NYAP2: variants seen among roughly 807,000 people sequenced by gnomAD.
NYAP2 encodes neuronal tyrosine-phosphorylated phosphoinositide-3-kinase adaptor 2.
Under a neutral mutation model 50.4 loss-of-function variants are expected in NYAP2, and 23 were observed. The observed-to-expected ratio is 0.46, with a 90% CI of 0.33 to 0.65. NYAP2 has a LOEUF of 0.65. NYAP2 is among the 30% of genes least tolerant of loss of function. The pLI is 0.02. For synonymous variants in NYAP2, 394 were observed against 365.2 expected (o/e 1.08, Z -0.90); for missense variants, 885 against 861.0 (o/e 1.03, Z -0.35).
At chr2:225,474,009 G>C (rs1690058383) in intron 3 of NYAP2, among the ~76,000 whole-genome samples, 1 of 152,166 alleles carries the variant, frequency 6.6e-6, no homozygotes, top group Non-Finnish European at 1.5e-5. Flanking sequence ...AAGGGATCCA[G>C]TTTCAGCTTT....
chr2:225,483,340 A>C (rs1261023390), intron 3 of NYAP2, among the ~76,000 whole-genome samples: 1 of 152,186 alleles, frequency 6.6e-6, no homozygotes, highest in Non-Finnish European at 1.5e-5. Context: ...TTAATTATGC[A>C]TAGTTTTTAT....
the NYAP2 span, among the ~76,000 whole-genome samples, chr2:225,673,161 T>G: frequency 6.6e-6 from 1 of 152,026 alleles, no homozygotes. Context: ...CTCCCCCTTA[T>G]GGAACCATCG....
At chr2:225,518,032 G>T (rs892690209) in intron 4 of NYAP2, among the ~76,000 whole-genome samples, 2 of 151,986 alleles carry the variant, frequency 1.3e-5, no homozygotes, top group Non-Finnish European at 2.9e-5. Flanking sequence ...GTTTATTACA[G>T]CAATCTTCAC....
Position 225,582,746 on chromosome 2 carries a change from G to A in NYAP2, c.1329G>A (p.Gly443=). 6.2e-7 allele frequency: 1 copy of A among 1,613,612 alleles called. No individual in the cohort carries two copies. Among genetic ancestry groups the A allele is most frequent in the Non-Finnish European group, 8.5e-7 (1 of 1,179,694 alleles). Residue 443 remains glycine, a synonymous_variant, in exon 5 of 7, where the codon GGG becomes GGA. Coordinates refer to ENST00000636099, the Ensembl canonical transcript of NYAP2. This position sits in a 1 kb window ranked among gnomAD's most constrained non-coding sequence, Gnocchi z 7.0. ...CCTCTCCCTCCCCCGTCAGCATGGG[G>A]AGGTCCCTGACTCCCCTGAGCCTCA...
chr2:225,491,320 G>A (rs559961815), intron 3 of NYAP2, among the ~76,000 whole-genome samples: 1 of 152,282 alleles, frequency 6.6e-6, no homozygotes, highest in African/African-American at 2.4e-5. Flanking sequence ...GAGGTGCGAG[G>A]AAGTGTCCCA....
the NYAP2 span, among the ~76,000 whole-genome samples, chr2:225,675,263 A>G: frequency 1.3e-5 from 2 of 152,018 alleles, no homozygotes; most frequent in South Asian, 2.1e-4. Flanking sequence ...ATAGTACCCA[A>G]TGGGCATTTC....
intron 5 of NYAP2, among the ~76,000 whole-genome samples, chr2:225,603,528 C>T (rs908246016): frequency 6.6e-5 from 10 of 152,260 alleles, no homozygotes; most frequent in African/African-American, 2.4e-4. Flanking sequence ...GTAATGCGAT[C>T]TCGGCTCACT....
chr2:225,636,934 A>G (rs1693429730), intron 6 of NYAP2, among the ~76,000 whole-genome samples: 1 of 152,104 alleles, frequency 6.6e-6, no homozygotes, highest in African/African-American at 2.4e-5. Context: ...GACCAGAAAA[A>G]TCACCCAGAA....
intron 4 of NYAP2, among the ~76,000 whole-genome samples, chr2:225,579,090 G>C (rs1200842146): frequency 3.3e-5 from 5 of 149,702 alleles, no homozygotes; most frequent in African/African-American, 1.3e-4. Context: ...AGAGAGAAGA[G>C]AGGGGAGAGA....
At chr2:225,416,319 T>C (rs948542377) in intron 3 of NYAP2, among the ~76,000 whole-genome samples, 7 of 152,106 alleles carry the variant, frequency 4.6e-5, no homozygotes, top group African/African-American at 1.7e-4. Context: ...ACCAGAAAAA[T>C]TCTTTATTGA....
chr2:225,421,901 A>T (rs1695221281), intron 3 of NYAP2, among the ~76,000 whole-genome samples: 1 of 152,206 alleles, frequency 6.6e-6, no homozygotes, highest in African/African-American at 2.4e-5. Flanking sequence ...GTACCAATAC[A>T]TTCATTTCTA....
chr2:225,447,129 T>C (rs1423467073), intron 3 of NYAP2, among the ~76,000 whole-genome samples: 1 of 152,174 alleles, frequency 6.6e-6, no homozygotes, highest in Non-Finnish European at 1.5e-5. Context: ...CAGCAGAAGT[T>C]GCAGGGTCTT....
At chr2:225,501,569 T>G (rs181987419) in intron 3 of NYAP2, among the ~76,000 whole-genome samples, 1 of 152,174 alleles carries the variant, frequency 6.6e-6, no homozygotes, top group African/African-American at 2.4e-5. Context: ...GTATGTTGAA[T>G]TTTTCAAATT....
chr2:225,592,889 C>T (rs1053566069), intron 5 of NYAP2, among the ~76,000 whole-genome samples: 2 of 152,128 alleles, frequency 1.3e-5, no homozygotes, highest in African/African-American at 4.8e-5. Context: ...AAGAACCCTA[C>T]CTGCTTTAGA....
intron 4 of NYAP2, among the ~76,000 whole-genome samples, chr2:225,522,042 A>T (rs1218315270): frequency 6.6e-6 from 1 of 151,798 alleles, no homozygotes; most frequent in African/African-American, 2.4e-5. Flanking sequence ...TTTCTTCCAG[A>T]TTTTCTAGTT....
intron 3 of NYAP2, among the ~76,000 whole-genome samples, chr2:225,501,874 A>G (rs1185956799): frequency 6.6e-6 from 1 of 152,172 alleles, no homozygotes; most frequent in Non-Finnish European, 1.5e-5. Context: ...CCAGTGGAGG[A>G]GATCAAATCA....
chr2:225,552,121 T>C (rs1341715232), intron 4 of NYAP2, among the ~76,000 whole-genome samples: 2 of 152,168 alleles, frequency 1.3e-5, no homozygotes, highest in Non-Finnish European at 2.9e-5. Flanking sequence ...CACTTCTTTC[T>C]TTTTGATTCA....
chr2:225,493,612 G>C (rs1472664398), intron 3 of NYAP2, among the ~76,000 whole-genome samples: 1 of 152,150 alleles, frequency 6.6e-6, no homozygotes, highest in African/African-American at 2.4e-5. Context: ...GCTCTCACCT[G>C]GATTCGTGCA....
chr2:225,544,003 G>T (rs932338588), intron 4 of NYAP2, among the ~76,000 whole-genome samples: 1 of 151,938 alleles, frequency 6.6e-6, no homozygotes, highest in African/African-American at 2.4e-5. Flanking sequence ...TTTCATCATT[G>T]TATAGTGACC....
Sources: allele counts gnomAD v4.1 joint callset (sites outside exome capture counted in the v4.1 genomes callset), GRCh38; gene constraint gnomAD v4.1.1; non-coding constraint Gnocchi (gnomAD v3.1); transcripts MANE v1.5; gene names NCBI Gene and HGNC (gene_info 2026-07-23, HGNC 2026-07-21).